The following MYH14 variants were observed in gnomAD, a reference collection of about 807,000 sequenced individuals.
The protein encoded by MYH14 is myosin-14.
MYH14 carries 123 observed loss-of-function variants against 255.5 expected under a neutral mutation model. The observed-to-expected ratio is 0.48, with a 90% CI of 0.42 to 0.56. MYH14 has a LOEUF of 0.56. Among genes scored for constraint, MYH14 ranks in the 20% least tolerant of loss-of-function variants. The pLI, the probability that MYH14 is intolerant of heterozygous loss-of-function variation, is 0.00. For missense variants in MYH14, 2,423 were observed against 2,802.3 expected (o/e 0.86, Z 3.06); for synonymous variants, 1,095 against 1,161.2 (o/e 0.94, Z 1.16).
rs900642796 is a variant in MYH14, at chr19:50,271,469, G to A, written c.3094G>A (p.Val1032Met). The A allele has an allele frequency of 1.2e-6, 2 of 1,608,522 alleles. No homozygotes were observed. The highest frequency in any genetic ancestry group is 1.7e-5 in the Admixed American group (1 of 59,130). ...GCGGCAGAAGCTGCAGCTGGAGAAGGTGACGACAGAGGCAAAAATGAAGAA... is the reference window on the plus strand; with the variant it reads ...GCGGCAGAAGCTGCAGCTGGAGAAGATGACGACAGAGGCAAAAATGAAGAA... ...GARQKLQLEK[V>M]TTEAKMKKFE... Residue 1032 changes from valine to methionine, a missense_variant, in exon 25 of 43, where the codon GTG becomes ATG. By Grantham distance (21) the Val-to-Met change is conservative. Coordinates refer to ENST00000642316, the MANE Select transcript of MYH14 (RefSeq NM_001145809.2).
At chr19:50,294,245 G>A (rs1461174702) in intron 39 of MYH14, among the ~76,000 whole-genome samples, 1 of 151,938 alleles carries the variant, frequency 6.6e-6, no homozygotes, top group Non-Finnish European at 1.5e-5. Context: ...AGGAAACACG[G>A]GCACTGTGGG....
Position 50,271,871 on chromosome 19 carries a change from G to A in MYH14, c.3194G>A (p.Arg1065His), listed in dbSNP as rs769362736. 25 of 1,613,330 alleles carry A rather than the reference G, an allele frequency of 1.5e-5. No homozygotes were observed. The East Asian group carries it at 2.0e-4, about 13-fold the overall frequency. The change falls in exon 26 of 43, where the codon CGT (arginine) becomes CAT (histidine). Residue 1065 changes from arginine to histidine, a missense_variant. Arg to His is a conservative substitution (Grantham distance 29). Coordinates refer to ENST00000642316, the MANE Select transcript of MYH14 (RefSeq NM_001145809.2). ...LSKERKLLED[R>H]LAEFSSQAAE... is the part of the protein sequence containing the mutation. ...CAGGAGCGGAAGCTGCTGGAAGATCGTCTGGCCGAGTTCTCATCCCAGGCA... is the reference window on the plus strand; with the variant it reads ...CAGGAGCGGAAGCTGCTGGAAGATCATCTGGCCGAGTTCTCATCCCAGGCA...
chr19:50,274,825 G>A (rs2035445266), intron 27 of MYH14, among the ~76,000 whole-genome samples: 1 of 151,806 alleles, frequency 6.6e-6, no homozygotes, highest in Non-Finnish European at 1.5e-5. Flanking sequence ...CAGCTACTTA[G>A]AGGACTGAGG....
At position 50,249,054 on chromosome 19, in the gene MYH14, G is replaced by A. The variant is rs757828611; in HGVS notation, c.1397G>A (p.Arg466His). 80 of 1,612,272 alleles carry A rather than the reference G, an allele frequency of 5.0e-5. No homozygotes were observed. The highest frequency in any genetic ancestry group is 6.4e-5 in the Non-Finnish European group (75 of 1,179,436). The change falls in exon 13 of 43, where the codon CGC becomes CAC. Residue 466 changes from arginine (R) to histidine (H), a missense_variant. Transcript: ENST00000642316. ...CGCCTCTTCCGCTGGCTGGTTCTGC[G>A]CCTCAACCGGGCCTTGGACCGCAGC... ...YERLFRWLVLRLNRALDRSPR... is the reference protein window; with the variant it reads ...YERLFRWLVLHLNRALDRSPR...
chr19:50,247,160 C>A, intron 12 of MYH14, 38 bp downstream of exon 12: 2 of 1,467,722 alleles, frequency 1.4e-6, no homozygotes, highest in Non-Finnish European at 1.9e-6. Context: ...CAGAAAGAGC[C>A]GCGCACCCCG....
chr19:50,218,602 A>G (rs1205796967), intron 3 of MYH14, among the ~76,000 whole-genome samples: 2 of 151,872 alleles, frequency 1.3e-5, no homozygotes, highest in Admixed American at 1.3e-4. Context: ...TGTCTCAAAA[A>G]AAAAATTAAT....
intron 2 of MYH14, among the ~76,000 whole-genome samples, chr19:50,215,677 A>G (rs774067875): frequency 6.6e-6 from 1 of 152,070 alleles, no homozygotes; most frequent in Non-Finnish European, 1.5e-5. Flanking sequence ...AAATTGGCCA[A>G]GCATGGTGGT....
In MYH14 at chr19:50,230,778, G is replaced by T; in HGVS notation, c.973+155G>T. ...CTCCCGCAGCCCCTGCTCTCGCTGC[G>T]TAGTGGCGTCTGTCGCACGGTGGGT... On this transcript the variant is annotated intron_variant, in intron 9 of 42. Transcript: ENST00000642316. The surrounding 1 kb of genome is among the most constrained non-coding windows in gnomAD (Gnocchi z 4.7). 2 of 645,882 alleles carry T rather than the reference G, an allele frequency of 3.1e-6. No homozygotes were observed. Among genetic ancestry groups the T allele is most frequent in the South Asian group, 1.8e-5 (1 of 54,366 alleles). The allele number at this position is 645,882 out of a possible 1,614,324, so 40.0% of individuals were successfully genotyped here.
chr19:50,260,135 G>A (rs1251249383), intron 19 of MYH14, among the ~76,000 whole-genome samples: 1 of 151,852 alleles, frequency 6.6e-6, no homozygotes, highest in Non-Finnish European at 1.5e-5. Flanking sequence ...CCAAAATACT[G>A]GCCAATACTG....
chr19:50,254,982 C>A (rs2034539285), intron 16 of MYH14, among the ~76,000 whole-genome samples: 1 of 152,322 alleles, frequency 6.6e-6, no homozygotes, highest in East Asian at 1.9e-4. Flanking sequence ...TGAATTCTTA[C>A]AGAGGACATT....
At chr19:50,220,661 T>C (rs1296113092) in intron 3 of MYH14, among the ~76,000 whole-genome samples, 1 of 152,070 alleles carries the variant, frequency 6.6e-6, no homozygotes, top group Non-Finnish European at 1.5e-5. Flanking sequence ...CAAGCCATTG[T>C]CCTGCCTCAG....
intron 40 of MYH14, among the ~76,000 whole-genome samples, chr19:50,302,817 G>A (rs371271773): frequency 1.1e-4 from 17 of 151,988 alleles, no homozygotes; most frequent in African/African-American, 3.6e-4. Flanking sequence ...CAGGAGAATC[G>A]CTTGAACCCA....
chr19:50,251,969 A>T (rs2034419261), intron 15 of MYH14, among the ~76,000 whole-genome samples: 1 of 152,086 alleles, frequency 6.6e-6, no homozygotes. Flanking sequence ...GATGATGTGG[A>T]CCAGGCAGCC....
Position 50,293,680 on chromosome 19 carries a change from T to C in MYH14, c.5462T>C (p.Leu1821Pro), listed in dbSNP as rs772427393. The change falls in exon 39 of 43, where the codon CTC becomes CCC. Residue 1821 changes from leucine to proline, a missense_variant. Physicochemically the swap from Leu to Pro is moderately conservative, Grantham distance 98 (BLOSUM62 -3). This residue lies in a region of MYH14 where 1,513 missense variants were observed against 1,674.8 expected (regional missense o/e 0.90). Transcript: ENST00000642316. This position sits in a 1 kb window ranked among gnomAD's most constrained non-coding sequence, Gnocchi z 4.1. ...CTCAATGACCGCTACCGCAAGCTGC[T>C]CCTGCAGGTGAGCGTGATTGACCGC... ...ELLNDRYRKL[L>P]LQVESLTTEL... 2 of 1,579,946 alleles carry C rather than the reference T, an allele frequency of 1.3e-6. No individual in the cohort carries two copies. The highest frequency in any genetic ancestry group is 1.7e-6 in the Non-Finnish European group (2 of 1,161,540).
chr19:50,244,378 G>A (rs531104460), intron 11 of MYH14, 41 bp downstream of exon 11: 58 of 1,565,082 alleles, frequency 3.7e-5, no homozygotes, highest in Middle Eastern at 3.4e-4. Context: ...TCCAGCCCCC[G>A]CCCAGGTGGT....
chr19:50,261,720 C>A, intron 21 of MYH14, 85 bp downstream of exon 21: 3 of 1,317,956 alleles, frequency 2.3e-6, no homozygotes, highest in Non-Finnish European at 3.0e-6. Context: ...GGTGTCAGGG[C>A]CTCCAGGATG....
At chr19:50,219,306 T>C (rs1343011353) in intron 3 of MYH14, among the ~76,000 whole-genome samples, 1 of 151,722 alleles carries the variant, frequency 6.6e-6, no homozygotes, top group Non-Finnish European at 1.5e-5. Context: ...TACCCCAGAG[T>C]AGGGTTGCTG....
chr19:50,271,681 A>G, intron 25 of MYH14, 135 bp downstream of exon 25: 1 of 1,456,878 alleles, frequency 6.9e-7, no homozygotes. Context: ...ATGGGTCTAT[A>G]GCCCCAAGGG....
Position 50,217,737 on chromosome 19 carries a change from A to G in MYH14, c.528A>G (p.Ala176=). 6.2e-7 allele frequency: 1 copy of G among 1,613,930 alleles called. No individual in the cohort carries two copies. The highest frequency in any genetic ancestry group is 8.5e-7 in the Non-Finnish European group (1 of 1,179,892). The change falls in exon 3 of 43, where the codon GCA becomes GCG. Residue 176 remains alanine (A), a synonymous_variant. Coordinates refer to ENST00000642316, the MANE Select transcript of MYH14 (RefSeq NM_001145809.2). ...ACGAGGTGCCACCCCACGTGTACGC[A>G]GTGACCGAGGGGGCCTATCGGAGCA... ...KRHEVPPHVY[A]VTEGAYRSML...
Sources: gnomAD v4.1 joint callset for allele counts (sites outside exome capture counted in the v4.1 genomes callset) on GRCh38, gnomAD v4.1.1 for gene constraint, gnomAD v4.1.1 regional missense constraint, Gnocchi (gnomAD v3.1) non-coding constraint, MANE v1.5 for transcripts, NCBI Gene and HGNC (gene_info 2026-07-23, HGNC 2026-07-21) for gene names.